Variants in PLCXD1 observed in about 807,000 individuals in gnomAD.
The protein encoded by PLCXD1 is PI-PLC X domain-containing protein 1.
A neutral mutation model predicts 37.8 loss-of-function variants in PLCXD1; 45 were observed. That is an observed-to-expected ratio of 1.19 (90% CI 0.94 to 1.53). The LOEUF is 1.53. PLCXD1 is among the 40% of genes most tolerant of loss of function. PLCXD1 has a pLI of 0.00. For synonymous variants in PLCXD1, 246 were observed against 206.9 expected (o/e 1.19, Z -1.62); for missense variants, 539 against 454.7 (o/e 1.19, Z -1.69).
At chrX:294,291 G>A (rs1450841139) in intron 6 of PLCXD1, among the ~76,000 whole-genome samples, 5 of 152,080 alleles carry the variant, frequency 3.3e-5, no homozygotes, top group Admixed American at 1.3e-4. Context: ...GACCATCCCG[G>A]CTAACATGGA....
rs777367743 is a variant in PLCXD1, at chrX:297,033, A to T, written c.734-2064A>T. The stretch of plus-strand genomic sequence containing the variant: ...TTGGGGACATTATCCTGTCTATCAC[A>T]TGGGGATTAGGACGTGGACATCTTT... On this transcript the variant is annotated intron_variant, in intron 6 of 6. Coordinates refer to ENST00000381657, the MANE Select transcript of PLCXD1 (RefSeq NM_018390.4). 9.1e-4 allele frequency among the ~76,000 whole-genome samples: 46 copies of T among 50,600 alleles called. 10 individuals carry two copies. The highest frequency in any genetic ancestry group is 7.7e-3 in the African/African-American group (40 of 5,184). The allele number at this position is 50,600 out of a possible 152,430, so 33.2% of individuals were successfully genotyped here. A position where few individuals can be genotyped will look rare whatever the true frequency, so the allele number is the denominator to read the frequency against.
rs750674416 is a variant in PLCXD1 at position 299,359 on chromosome X, C to T, written c.*24C>T. On this transcript the variant is annotated 3_prime_UTR_variant, in exon 7 of 7. Transcript: ENST00000381657. ...GACGGGACCCTTCTGAAGTTCGGGA[C>T]GCGGCGGCTGCAGTTTCACCCCCGA... 34 of 1,540,270 alleles carry T rather than the reference C, an allele frequency of 2.2e-5. No homozygotes were observed. Among genetic ancestry groups the T allele is most frequent in the African/African-American group, 8.2e-5 (6 of 73,432 alleles).
chrX:293,814 C>G (rs781099227), intron 6 of PLCXD1, among the ~76,000 whole-genome samples: 2 of 152,234 alleles, frequency 1.3e-5, no homozygotes, highest in East Asian at 1.9e-4. Context: ...AGGAAATGCC[C>G]AGAACATGCC....
intron 2 of PLCXD1, among the ~76,000 whole-genome samples, chrX:288,054 G>A (rs941216494): frequency 2.6e-5 from 4 of 151,438 alleles, no homozygotes; most frequent in African/African-American, 9.7e-5. Context: ...GCTTGTGGCC[G>A]CATCACTCCA....
At chrX:292,568 A>T (rs2069671205) in intron 5 of PLCXD1, among the ~76,000 whole-genome samples, 2 of 152,106 alleles carry the variant, frequency 1.3e-5, no homozygotes, top group South Asian at 4.1e-4. Context: ...GTGTCCTCCC[A>T]AAGTGCTGGG....
intron 6 of PLCXD1, 122 bp from the exon 7 acceptor site, chrX:298,975 T>G (rs2069904097): frequency 1.3e-6 from 1 of 773,148 alleles, no homozygotes; most frequent in Non-Finnish European, 2.2e-6. Flanking sequence ...ATTTCCTTGT[T>G]GGACATGGTG....
At chrX:286,114 G>A (rs28405402) in intron 2 of PLCXD1, among the ~76,000 whole-genome samples, 1 of 151,524 alleles carries the variant, frequency 6.6e-6, no homozygotes, top group Non-Finnish European at 1.5e-5. Context: ...GCCCAGGCTC[G>A]AGTGCAGTGG....
intron 2 of PLCXD1, among the ~76,000 whole-genome samples, chrX:287,120 T>G (rs2069470736): frequency 6.6e-6 from 1 of 151,822 alleles, no homozygotes; most frequent in Admixed American, 6.6e-5. Flanking sequence ...GTTTAGGAGT[T>G]TGAGAGCAGC....
In PLCXD1 at chrX:293,203, A is replaced by T; in HGVS notation, c.718A>T (p.Ser240Cys). 1 of 1,610,142 alleles carries T rather than the reference A, an allele frequency of 6.2e-7. No individual in the cohort carries two copies. The highest frequency in any genetic ancestry group is 8.5e-7 in the Non-Finnish European group (1 of 1,178,104). The stretch of plus-strand genomic sequence containing the variant: ...CATCCGATACCTGGAGACCATGAAG[A>T]GCTGCGGCCGCCCAGGTACCAGGTC... ...ALIRYLETMKSCGRPGGLFVA... is the reference protein window; with the variant it reads ...ALIRYLETMKCCGRPGGLFVA... The change falls in exon 6 of 7, where the codon AGC becomes TGC. Residue 240 changes from serine to cysteine, a missense_variant. Transcript: ENST00000381657.
At chrX:295,513 G>A (rs925314187) in intron 6 of PLCXD1, among the ~76,000 whole-genome samples, 37 of 150,182 alleles carry the variant, frequency 2.5e-4, no homozygotes, top group African/African-American at 9.2e-4. Flanking sequence ...GAGGTTTAGA[G>A]ACTTCAGAAA....
At position 294,429 on chromosome X, in the gene PLCXD1, C is replaced by T. The variant is rs766891539; in HGVS notation, c.733+1211C>T. Among the ~76,000 whole-genome samples the T allele has an allele frequency of 8.6e-5, 13 of 151,456 alleles. No individual in the cohort carries two copies. In the East Asian group the frequency reaches 2.3e-3, roughly 27 times the overall value. ...CTCGGGAGGCGGAGCTTGCAGTGAG[C>T]CGAGATCACGCCACTGAACTCCAGC... On this transcript the variant is annotated intron_variant, in intron 6 of 6. Coordinates refer to ENST00000381657, the MANE Select transcript of PLCXD1 (RefSeq NM_018390.4).
At position 299,617 on chromosome X, in the gene PLCXD1, G is replaced by T. The variant is rs1449956512; in HGVS notation, c.*282G>T. The T allele has an allele frequency of 1.1e-5, 6 of 535,056 alleles. No individual in the cohort carries two copies. Among genetic ancestry groups the T allele is most frequent in the African/African-American group, 5.7e-5 (3 of 52,372 alleles). The allele number at this position is 535,056 out of a possible 1,614,324, so 33.1% of individuals were successfully genotyped here. ...TACTAAAAATACAAAACTTAGCTGG[G>T]TGTGTGGCAGGCGCCTGTAGTCCCA... is the stretch of plus-strand genomic sequence containing the variant. On this transcript the variant is annotated 3_prime_UTR_variant, in exon 7 of 7. Transcript: ENST00000381657.
At chrX:295,717 CAG>C (rs2069784964) in intron 6 of PLCXD1, among the ~76,000 whole-genome samples, 1 of 151,748 alleles carries the variant, frequency 6.6e-6, no homozygotes, top group African/African-American at 2.4e-5. Context: ...TTAGTAGAGA[CAG>C]GGTTTCACCA....
upstream of PLCXD1, among the ~76,000 whole-genome samples, chrX:278,731 T>C (rs1160575413): frequency 2.9e-5 from 3 of 104,596 alleles, no homozygotes; most frequent in Non-Finnish European, 3.9e-5. Flanking sequence ...AGAGCAAGAC[T>C]CCGTCTCAAA....
At chrX:287,777 ATATT>A (rs1389302005) in intron 2 of PLCXD1, among the ~76,000 whole-genome samples, 2 of 149,286 alleles carry the variant, frequency 1.3e-5, no homozygotes, top group African/African-American at 4.9e-5. Context: ...ATTTATATCT[ATATT>A]TAAGAAATAA....
At chrX:294,296 C>G (rs1166774134) in intron 6 of PLCXD1, among the ~76,000 whole-genome samples, 21 of 152,058 alleles carry the variant, frequency 1.4e-4, no homozygotes, top group Admixed American at 1.4e-3. Context: ...TCCCGGCTAA[C>G]ATGGAGAAAC....
intron 2 of PLCXD1, among the ~76,000 whole-genome samples, chrX:286,404 C>G (rs1428019093): frequency 2.0e-5 from 3 of 152,114 alleles, no homozygotes; most frequent in Non-Finnish European, 4.4e-5. Context: ...ATCTGTCAGT[C>G]TAGAGCTGAC....
chrX:296,348 C>T (rs2069807751), intron 6 of PLCXD1, among the ~76,000 whole-genome samples: 1 of 151,202 alleles, frequency 6.6e-6, no homozygotes. Flanking sequence ...TGGTCTTGAA[C>T]TCCTGACCTC....
At position 285,138 on chromosome X, in the gene PLCXD1, ATG is replaced by A. The variant is rs1307729786; in HGVS notation, c.127+825_127+826del. Among the ~76,000 whole-genome samples the A allele has an allele frequency of 2.8e-4, 42 of 151,904 alleles. No individual in the cohort carries two copies. The East Asian group carries it at 6.4e-3, about 23-fold the overall frequency. Reference sequence around the variant, plus strand: ...CACACATGCATGCGCACACACATACATGCATGCACACATGCACATCCCCACAC... The same window carrying A: ...CACACATGCATGCGCACACACATACACATGCACACATGCACATCCCCACAC... On this transcript the variant is annotated intron_variant, in intron 2 of 6. Transcript: ENST00000381657.
Sources: allele counts gnomAD v4.1 joint callset (sites outside exome capture counted in the v4.1 genomes callset), GRCh38; gene constraint gnomAD v4.1.1; transcripts MANE v1.5; gene names NCBI Gene and HGNC (gene_info 2026-07-23, HGNC 2026-07-21).